PLCB1: variants seen among roughly 807,000 people sequenced by gnomAD.
PLCB1 encodes the protein phospholipase C beta 1.
In PLCB1, 46 loss-of-function variants were observed where a neutral mutation model predicts 161.8. The ratio of observed to expected loss-of-function variants is 0.28; its 90% CI spans 0.22 to 0.36. The LOEUF (loss-of-function observed/expected upper bound fraction) is 0.36, where lower values mean the gene tolerates loss of function less well. Ranked by LOEUF, PLCB1 falls within the 10% of genes least tolerant of loss-of-function variation. PLCB1 has a pLI of 1.00. For synonymous variants in PLCB1, 517 were observed against 503.7 expected, an observed-to-expected ratio of 1.03 and a Z score of -0.35; for missense variants, 1,016 against 1,472.5, an observed-to-expected ratio of 0.69 and a Z score of 5.07.
At chr20:8,760,506 A>T (rs1568588321) in intron 25 of PLCB1, 46 bp downstream of exon 25, 1 of 1,312,840 alleles carries the variant, frequency 7.6e-7, no homozygotes, top group East Asian at 2.3e-5. Flanking sequence ...GCTCAGTGTT[A>T]CACAGTGGAA....
chr20:8,805,695 G>T (rs1236764440), intron 31 of PLCB1, among the ~76,000 whole-genome samples: 1 of 152,168 alleles, frequency 6.6e-6, no homozygotes, highest in Admixed American at 6.5e-5. Flanking sequence ...AAAGGTTAAT[G>T]AACTTTACTA....
intron 3 of PLCB1, among the ~76,000 whole-genome samples, chr20:8,505,843 A>G (rs1487568652): frequency 2.0e-5 from 3 of 152,218 alleles, no homozygotes; most frequent in African/African-American, 4.8e-5. Flanking sequence ...TGGGGTAACA[A>G]TTTAATTAAA....
chr20:8,657,685 C>T (rs933588961), intron 8 of PLCB1, among the ~76,000 whole-genome samples: 3 of 151,950 alleles, frequency 2.0e-5, no homozygotes, highest in African/African-American at 7.3e-5. Flanking sequence ...ACTAAGAACC[C>T]TCTCAGCTGA....
chr20:8,853,182 T>C (rs1281520820), intron 31 of PLCB1, among the ~76,000 whole-genome samples: 1 of 152,226 alleles, frequency 6.6e-6, no homozygotes, highest in African/African-American at 2.4e-5. Flanking sequence ...AATAGTATGC[T>C]CATGACAATT....
chr20:8,193,532 A>G (rs1483313490), intron 2 of PLCB1, among the ~76,000 whole-genome samples: 1 of 152,052 alleles, frequency 6.6e-6, no homozygotes, highest in Non-Finnish European at 1.5e-5. Context: ...TAAAGGAACT[A>G]GAAGGAGATA....
At chr20:8,600,771 C>T (rs1436109437) in intron 3 of PLCB1, 2 of 152,022 alleles carry the variant, frequency 1.3e-5, no homozygotes, top group Non-Finnish European at 2.9e-5. Context: ...GCGTAGGACC[C>T]TCCGAGCCAG....
chr20:8,423,000 C>G (rs1051872284), intron 3 of PLCB1, among the ~76,000 whole-genome samples: 17 of 152,302 alleles, frequency 1.1e-4, no homozygotes, highest in African/African-American at 3.9e-4. Context: ...TAGTATAGTT[C>G]TGGCACAGAG....
At chr20:8,616,343 A>G (rs1346544362) in intron 3 of PLCB1, among the ~76,000 whole-genome samples, 1 of 152,102 alleles carries the variant, frequency 6.6e-6, no homozygotes, top group African/African-American at 2.4e-5. Flanking sequence ...TTTGCATAAC[A>G]TGCTACTCCA....
chr20:8,523,207 C>T (rs1984419237), intron 3 of PLCB1, among the ~76,000 whole-genome samples: 1 of 151,810 alleles, frequency 6.6e-6, no homozygotes, highest in South Asian at 2.1e-4. Context: ...AAACAACCCT[C>T]CCCTCAGTGT....
intron 3 of PLCB1, among the ~76,000 whole-genome samples, chr20:8,400,408 A>C (rs970195860): frequency 1.9e-4 from 29 of 152,326 alleles, no homozygotes; most frequent in African/African-American, 7.0e-4. Context: ...TTATTAGTCC[A>C]TGTGGGTAGC....
intron 2 of PLCB1, among the ~76,000 whole-genome samples, chr20:8,212,854 C>CAA (rs569555051): frequency 6.6e-6 from 1 of 152,076 alleles, no homozygotes; most frequent in African/African-American, 2.4e-5. Flanking sequence ...AATGCAGAAT[C>CAA]AAAGTATGTG....
At chr20:8,459,968 C>T (rs989036192) in intron 3 of PLCB1, among the ~76,000 whole-genome samples, 1 of 152,134 alleles carries the variant, frequency 6.6e-6, no homozygotes, top group Non-Finnish European at 1.5e-5. Context: ...ATGAAGCCAC[C>T]TTAAGTGGCA....
chr20:8,400,634 A>T lies in PLCB1; in HGVS notation c.246+29184A>T, dbSNP rs184722071. Among the ~76,000 whole-genome samples the T allele has an allele frequency of 4.6e-5, 7 of 152,326 alleles. No individual in the cohort carries two copies. In the East Asian group the frequency reaches 1.4e-3, roughly 29 times the overall value. ...TCCCAGAAAACCTGTAAATGATGAC[A>T]TGCTATCAAATGCTATTTAAACTTA... On this transcript the variant is annotated intron_variant, in intron 3 of 31. Transcript: ENST00000338037.
At chr20:8,405,694 A>G (rs1222779578) in intron 3 of PLCB1, among the ~76,000 whole-genome samples, 3 of 152,200 alleles carry the variant, frequency 2.0e-5, no homozygotes, top group African/African-American at 7.2e-5. Flanking sequence ...ACTTCAGCAT[A>G]TTGAATTTGG....
chr20:8,866,496 A>C (rs7272486), intron 31 of PLCB1, among the ~76,000 whole-genome samples: 1 of 152,092 alleles, frequency 6.6e-6, no homozygotes, highest in African/African-American at 2.4e-5. Flanking sequence ...ATCGACCTGC[A>C]TGGTGTTTTG....
intron 2 of PLCB1, among the ~76,000 whole-genome samples, chr20:8,292,337 A>T (rs1318531010): frequency 6.6e-6 from 1 of 152,110 alleles, no homozygotes; most frequent in Admixed American, 6.6e-5. Context: ...GTTACCTTAA[A>T]CATATTTGTT....
intron 12 of PLCB1, among the ~76,000 whole-genome samples, chr20:8,713,396 C>T (rs1426979320): frequency 3.9e-5 from 6 of 152,028 alleles, no homozygotes; most frequent in Admixed American, 2.6e-4. Flanking sequence ...TTGGCCAGGC[C>T]GATCTCGAAC....
At chr20:8,446,208 C>T (rs1298875368) in intron 3 of PLCB1, among the ~76,000 whole-genome samples, 1 of 152,166 alleles carries the variant, frequency 6.6e-6, no homozygotes, top group Non-Finnish European at 1.5e-5. Context: ...AGCTTATACA[C>T]CATGATCAAG....
At chr20:8,420,841 A>C (rs1026469804) in intron 3 of PLCB1, among the ~76,000 whole-genome samples, 17 of 152,212 alleles carry the variant, frequency 1.1e-4, no homozygotes, top group African/African-American at 4.1e-4. Flanking sequence ...TATCTGTGAG[A>C]GTAGCAGAAA....
Sources: gnomAD v4.1 joint callset for allele counts (sites outside exome capture counted in the v4.1 genomes callset) on GRCh38, gnomAD v4.1.1 for gene constraint, MANE v1.5 for transcripts, NCBI Gene and HGNC (gene_info 2026-07-23, HGNC 2026-07-21) for gene names.